C5: variants seen among roughly 807,000 people sequenced by gnomAD.
C5 encodes C3 and PZP-like alpha-2-macroglobulin domain-containing protein 4.
A neutral mutation model predicts 218.8 loss-of-function variants in C5; 140 were observed. The observed-to-expected ratio is 0.64, with a 90% confidence interval of 0.56 to 0.74. The LOEUF (loss-of-function observed/expected upper bound fraction) is 0.74. Among genes scored for constraint, C5 ranks in the 30% least tolerant of loss-of-function variants. C5 has a pLI of 0.00. For missense variants in C5, 1,700 were observed against 1,969.6 expected (o/e 0.86, Z 2.59); for synonymous variants, 614 against 682.3 (o/e 0.90, Z 1.56).
intron 2 of C5, among the ~76,000 whole-genome samples, chr9:121,045,971 G>C (rs41307970): frequency 0.028 from 4,288 of 152,098 alleles, 94 homozygotes; most frequent in Non-Finnish European, 0.035. Flanking sequence ...TGTGAAAATG[G>C]ACATGCATTG....
the C5 span, among the ~76,000 whole-genome samples, chr9:121,055,941 C>T: frequency 1.2e-4 from 19 of 152,322 alleles, no homozygotes; most frequent in Middle Eastern, 0.01. Flanking sequence ...AGAGACTTTG[C>T]CTGGTAACCC....
rs958197528 is a variant in C5, at chr9:121,027,272, T to C, written c.761A>G (p.Tyr254Cys). The change falls in exon 8 of 41, where the codon TAT (tyrosine) becomes TGT (cysteine). Residue 254 changes from tyrosine (Y) to cysteine (C), a missense_variant and splice_region_variant. By Grantham distance (194) the Tyr-to-Cys change is radical. Transcript: ENST00000223642. Reference sequence around the variant, plus strand: ...CTCAGTGACTACTTTATTATAAAAATATCTGTCAGACAATAGCATAAAACT... The same window carrying C: ...CTCAGTGACTACTTTATTATAAAAACATCTGTCAGACAATAGCATAAAACT... ...KNFEITIKAR[Y>C]FYNKVVTEAD... is the part of the protein sequence containing the mutation. 16 of 1,379,892 alleles carry C rather than the reference T, an allele frequency of 1.2e-5. No individual in the cohort carries two copies. Among genetic ancestry groups the C allele is most frequent in the Non-Finnish European group, 1.6e-5 (16 of 970,804 alleles). The allele number at this position is 1,379,892 out of a possible 1,614,324, so 85.5% of individuals were successfully genotyped here. A position where few individuals can be genotyped will look rare whatever the true frequency, so the allele number is the denominator to read the frequency against.
chr9:121,046,303 G>C lies in C5; in HGVS notation c.146C>G (p.Ala49Gly), dbSNP rs2047627115. The change falls in exon 2 of 41, where the codon GCA (alanine) becomes GGA (glycine). Residue 49 changes from alanine (A) to glycine (G), a missense_variant. Transcript: ENST00000223642. ...IVIQVYGYTE[A>G]FDATISIKSY... ...TTTAATAGAGATTGTTGCATCAAAT[G>C]CTTCAGTGTATCCATAAACTTGAAT... The C allele has an allele frequency of 6.2e-7, 1 of 1,609,392 alleles. No homozygotes were observed. The highest frequency in any genetic ancestry group is 8.5e-7 in the Non-Finnish European group (1 of 1,176,002).
chr9:120,982,993 A>G (rs2047006313), intron 25 of C5, among the ~76,000 whole-genome samples, 179 bp from the exon 26 acceptor site: 1 of 152,248 alleles, frequency 6.6e-6, no homozygotes, highest in South Asian at 2.1e-4. Flanking sequence ...AACATTCGGT[A>G]AACAAATGTG....
At chr9:121,007,102 A>T in intron 18 of C5, 125 bp from the exon 19 acceptor site, 1 of 715,922 alleles carries the variant, frequency 1.4e-6, no homozygotes, top group African/African-American at 1.7e-5. Flanking sequence ...TCACGAGATG[A>T]AATCACATCA....
chr9:121,030,579 C>A, intron 6 of C5, 92 bp from the exon 7 acceptor site: 1 of 675,868 alleles, frequency 1.5e-6, no homozygotes. Flanking sequence ...TATAGTTGGA[C>A]AAGCTGTAAC....
intron 29 of C5, among the ~76,000 whole-genome samples, chr9:120,975,814 C>T (rs1460927488): frequency 6.6e-6 from 1 of 152,134 alleles, no homozygotes; most frequent in Non-Finnish European, 1.5e-5. Flanking sequence ...CAGCAACACA[C>T]AATGGACTAA....
chr9:121,067,754 C>T, the C5 span, among the ~76,000 whole-genome samples: 1 of 151,954 alleles, frequency 6.6e-6, no homozygotes. Context: ...AGTAAGTTCT[C>T]ATGAGAGCTG....
chr9:120,996,974 G>A (rs7040319), intron 21 of C5, among the ~76,000 whole-genome samples: 77,148 of 151,486 alleles, frequency 0.51, 20,147 homozygotes, highest in South Asian at 0.72. Context: ...AATGTTAATA[G>A]CGTGAATACA....
At chr9:120,963,798 G>T in intron 33 of C5, 60 bp from the exon 34 acceptor site, 1 of 1,300,454 alleles carries the variant, frequency 7.7e-7, no homozygotes, top group Admixed American at 1.8e-5. Flanking sequence ...CTTTAAGAAA[G>T]GACACTCTTC....
At position 120,980,188 on chromosome 9, in the gene C5, T is replaced by C. The variant is rs775318629; in HGVS notation, c.3553A>G (p.Thr1185Ala). ...LLENTLPAQSTFTLAISAYAL... is the reference protein window; with the variant it reads ...LLENTLPAQSAFTLAISAYAL... ...TACGCAGAAATGGCCAATGTAAAGG[T>C]GCTCTGGGCTGGCAGTGTATTTTCA... The change falls in exon 28 of 41, where the codon ACC (threonine) becomes GCC (alanine). Residue 1185 changes from threonine (T) to alanine (A), a missense_variant. Coordinates refer to ENST00000223642, the MANE Select transcript of C5 (RefSeq NM_001735.3). 2.0e-5 allele frequency: 33 copies of C among 1,614,056 alleles called. No homozygotes were observed. Among genetic ancestry groups the C allele is most frequent in the Non-Finnish European group, 2.8e-5 (33 of 1,180,032 alleles).
chr9:121,042,770 G>A (rs1323664000), intron 3 of C5, among the ~76,000 whole-genome samples: 1 of 152,122 alleles, frequency 6.6e-6, no homozygotes, highest in Non-Finnish European at 1.5e-5. Flanking sequence ...AATAAGTGAT[G>A]GGGCAGGTAA....
intron 28 of C5, among the ~76,000 whole-genome samples, chr9:120,978,202 T>C (rs1033043590): frequency 2.0e-5 from 3 of 152,210 alleles, no homozygotes; most frequent in Non-Finnish European, 4.4e-5. Context: ...ATTTGTTATT[T>C]AAACCTGTAA....
chr9:121,014,004 T>G lies in C5; in HGVS notation c.2126A>C (p.Glu709Ala), dbSNP rs777885291. The G allele has an allele frequency of 6.2e-7, 1 of 1,614,192 alleles. No individual in the cohort carries two copies. Among genetic ancestry groups the G allele is most frequent in the East Asian group, 2.2e-5 (1 of 44,884 alleles). The change falls in exon 17 of 41, where the codon GAA becomes GCA. Residue 709 changes from glutamate to alanine, a missense_variant. Coordinates refer to ENST00000223642, the MANE Select transcript of C5 (RefSeq NM_001735.3). ...CCGTGCAGCTCGCTGCTCACAGGTT[T>G]CATCATTATTAACGCAGGCTCCATC... The part of the protein sequence containing the change: ...CYDGACVNND[E>A]TCEQRAARIS...
chr9:121,008,376 T>C, intron 18 of C5, 32 bp downstream of exon 18: 1 of 1,523,154 alleles, frequency 6.6e-7, no homozygotes, highest in Middle Eastern at 1.7e-4. Flanking sequence ...TATCCACATT[T>C]CTTTCAAGGA....
chr9:121,056,930 C>T, the C5 span, among the ~76,000 whole-genome samples: 1 of 151,994 alleles, frequency 6.6e-6, no homozygotes, highest in African/African-American at 2.4e-5. Flanking sequence ...TACTTCAAGA[C>T]ATATAATAAT....
rs2047349679 is a variant in C5 at position 121,020,022 on chromosome 9, G to A, written c.1460C>T (p.Thr487Ile). 6.2e-7 allele frequency: 1 copy of A among 1,611,498 alleles called. No homozygotes were observed. The highest frequency in any genetic ancestry group is 8.5e-7 in the Non-Finnish European group (1 of 1,177,772). The change falls in exon 12 of 41, where the codon ACC (threonine) becomes ATC (isoleucine). Residue 487 changes from threonine to isoleucine, a missense_variant. Transcript: ENST00000223642. ...TTTGTCAATATATGGGCTTTTGGGG[G>A]TAACAATAATATTCAGATGTTCTCC... ...LVGEHLNIIV[T>I]PKSPYIDKIT...
the C5 span, among the ~76,000 whole-genome samples, chr9:121,059,436 G>A: frequency 6.6e-6 from 1 of 152,148 alleles, no homozygotes; most frequent in Non-Finnish European, 1.5e-5. This position sits in a 1 kb window ranked among gnomAD's most constrained non-coding sequence, Gnocchi z 4.1. Context: ...AATGAATCAA[G>A]CTCAGCTCAT....
At chr9:120,983,266 C>G (rs1338411514) in intron 25 of C5, among the ~76,000 whole-genome samples, 1 of 152,182 alleles carries the variant, frequency 6.6e-6, no homozygotes, top group African/African-American at 2.4e-5. Context: ...GTGTTTATCT[C>G]ACTTGTCCTT....
Sources: allele counts gnomAD v4.1 joint callset (sites outside exome capture counted in the v4.1 genomes callset), GRCh38; gene constraint gnomAD v4.1.1; non-coding constraint Gnocchi (gnomAD v3.1); transcripts MANE v1.5; gene names NCBI Gene and HGNC (gene_info 2026-07-23, HGNC 2026-07-21).